ECE1: variants seen among roughly 807,000 people sequenced by gnomAD.
ECE1 encodes the protein endothelin-converting enzyme 1.
Under a neutral mutation model 98.6 loss-of-function variants are expected in ECE1, and 35 were observed. That is an observed-to-expected ratio of 0.35 (90% CI 0.27 to 0.47). ECE1 has a LOEUF of 0.47. Among genes scored for constraint, ECE1 ranks in the 20% least tolerant of loss-of-function variants. The pLI, the probability that ECE1 is intolerant of heterozygous loss-of-function variation, is 1.00. For synonymous variants in ECE1, 394 were observed against 407.1 expected, an observed-to-expected ratio of 0.97 and a Z score of 0.39; for missense variants, 814 against 1,025.3, an observed-to-expected ratio of 0.79 and a Z score of 2.81.
rs2098224804 is a variant in ECE1, at chr1:21,260,114, C to T, written c.615+157G>A. ...CGCAATGTGCTCACACTCACATGTG[C>T]TCTCGCACACTCGCTCTCTCTCTTT... On this transcript the variant is annotated intron_variant, in intron 5 of 18. Transcript: ENST00000374893. This position sits in a 1 kb window ranked among gnomAD's most constrained non-coding sequence, Gnocchi z 4.3. Among the ~76,000 whole-genome samples the T allele has an allele frequency of 6.6e-6, 1 of 152,250 alleles. No homozygotes were observed. Among genetic ancestry groups the T allele is most frequent in the Non-Finnish European group, 1.5e-5 (1 of 68,052 alleles).
At position 21,258,772 on chromosome 1, in the gene ECE1, G is replaced by A. The variant is rs551629069; in HGVS notation, c.683C>T (p.Thr228Ile). 2.5e-6 allele frequency: 4 copies of A among 1,614,236 alleles called. No individual in the cohort carries two copies. The Admixed American group carries it at 6.7e-5, about 27-fold the overall frequency. ...GAAGGGTGAGGTGCGGTAGTGGGCGGTGACCACCTGCAGGGTGTCCTGGAA... is the reference window on the plus strand; with the variant it reads ...GAAGGGTGAGGTGCGGTAGTGGGCGATGACCACCTGCAGGGTGTCCTGGAA... ...DNFQDTLQVV[T>I]AHYRTSPFFS... Residue 228 changes from threonine to isoleucine, a missense_variant, in exon 6 of 19, where the codon ACC becomes ATC. By Grantham distance (89) the Thr-to-Ile change is moderately conservative (BLOSUM62 -1). Around this residue, in one of 3 missense-constraint regions of ECE1, gnomAD observed 105 missense variants for 179.1 expected, o/e 0.59. Transcript: ENST00000374893. The surrounding 1 kb of genome is among the most constrained non-coding windows in gnomAD (Gnocchi z 4.2).
chr1:21,260,461 C>G lies in ECE1; in HGVS notation c.494-69G>C. The G allele has an allele frequency of 1.9e-6, 3 of 1,590,576 alleles. No individual in the cohort carries two copies. Among genetic ancestry groups the G allele is most frequent in the Non-Finnish European group, 2.6e-6 (3 of 1,159,906 alleles). On this transcript the variant is annotated intron_variant, in intron 4 of 18. Coordinates refer to ENST00000374893, the MANE Select transcript of ECE1 (RefSeq NM_001397.3). The surrounding 1 kb of genome is among the most constrained non-coding windows in gnomAD (Gnocchi z 4.3). ...CCACTGGGTGGCTTTGGGGCAGTCC[C>G]TCTTTTCGGAGCCTTGGTGTTCTCA...
intron 1 of ECE1, among the ~76,000 whole-genome samples, chr1:21,297,423 G>A (rs1175368250): frequency 6.6e-5 from 10 of 151,746 alleles, no homozygotes; most frequent in Admixed American, 6.6e-5. Context: ...CTGTCCCCTC[G>A]GCATGCCTTC....
At chr1:21,280,573 T>G (rs2098253246) in intron 2 of ECE1, among the ~76,000 whole-genome samples, 1 of 152,130 alleles carries the variant, frequency 6.6e-6, no homozygotes. Context: ...ATGATTAGAT[T>G]TACCCTTTGG....
At chr1:21,297,401 GC>G (rs1238187129) in intron 1 of ECE1, among the ~76,000 whole-genome samples, 12 of 152,080 alleles carry the variant, frequency 7.9e-5, no homozygotes, top group South Asian at 2.1e-4. Flanking sequence ...CTCTGTCCAG[GC>G]CCACTGGGCT....
At chr1:21,274,850 C>A (rs957549751) in intron 3 of ECE1, among the ~76,000 whole-genome samples, 1 of 151,968 alleles carries the variant, frequency 6.6e-6, no homozygotes, top group Admixed American at 6.6e-5. Flanking sequence ...AATTATGGAG[C>A]CATTACACAT....
intron 12 of ECE1, 147 bp from the exon 13 acceptor site, chr1:21,236,074 G>A: frequency 1.3e-6 from 1 of 792,132 alleles, no homozygotes; most frequent in South Asian, 1.4e-5. Context: ...TTTCTGGAAA[G>A]GTTTCCCCCT....
intron 4 of ECE1, chr1:21,267,148 A>G (rs1179032230): frequency 2.0e-5 from 3 of 152,290 alleles, no homozygotes; most frequent in Non-Finnish European, 4.4e-5. Context: ...CCATCTTGGA[A>G]GCAGAGAGCA....
At chr1:21,244,959 A>G (rs1573958056) in intron 10 of ECE1, 30 bp downstream of exon 10, 4 of 1,597,988 alleles carry the variant, frequency 2.5e-6, no homozygotes, top group Middle Eastern at 1.7e-4. Flanking sequence ...CGCTCAGCCC[A>G]TATTCAGGCA....
At chr1:21,277,699 T>G (rs1224015379) in intron 3 of ECE1, among the ~76,000 whole-genome samples, 1 of 152,188 alleles carries the variant, frequency 6.6e-6, no homozygotes, top group Non-Finnish European at 1.5e-5. Flanking sequence ...CATTTTACTA[T>G]CTGCACACCT....
chr1:21,241,345 T>C (rs1197528619), intron 10 of ECE1, among the ~76,000 whole-genome samples: 1 of 151,568 alleles, frequency 6.6e-6, no homozygotes, highest in African/African-American at 2.4e-5. Context: ...CTGTTTCTTT[T>C]TGCAGATAAA....
At chr1:21,335,044 TG>T (rs1322749004) in intron 1 of ECE1, among the ~76,000 whole-genome samples, 1 of 152,076 alleles carries the variant, frequency 6.6e-6, no homozygotes, top group Non-Finnish European at 1.5e-5. Context: ...GTCCATGGCT[TG>T]CCCCTCCAGG....
At chr1:21,294,998 G>C (rs1638311469), upstream of ECE1, among the ~76,000 whole-genome samples, 1 of 152,170 alleles carries the variant, frequency 6.6e-6, no homozygotes, top group Non-Finnish European at 1.5e-5. This position sits in a 1 kb window ranked among gnomAD's most constrained non-coding sequence, Gnocchi z 4.2. Context: ...TTATCTGGTA[G>C]CTAAACACTT....
intron 1 of ECE1, among the ~76,000 whole-genome samples, chr1:21,302,721 T>A: frequency 6.6e-6 from 1 of 152,174 alleles, no homozygotes; most frequent in East Asian, 1.9e-4. Flanking sequence ...TCCCTGGGCC[T>A]CAGTTTCCTC....
chr1:21,270,169 A>G (rs1440366148), intron 4 of ECE1, among the ~76,000 whole-genome samples: 5 of 152,162 alleles, frequency 3.3e-5, no homozygotes, highest in African/African-American at 4.8e-5. Context: ...GCCCCTCACC[A>G]TTTTGGACTG....
At chr1:21,251,657 C>T (rs1237979017) in intron 8 of ECE1, among the ~76,000 whole-genome samples, 1 of 152,196 alleles carries the variant, frequency 6.6e-6, no homozygotes, top group African/African-American at 2.4e-5. Flanking sequence ...TCCAGTGCAT[C>T]CCTGCCAGCT....
chr1:21,260,171 T>C lies in ECE1; in HGVS notation c.615+100A>G. The C allele has an allele frequency of 6.5e-7, 1 of 1,537,450 alleles. No individual in the cohort carries two copies. The highest frequency in any genetic ancestry group is 1.4e-5 in the African/African-American group (1 of 73,500). ...TTCTCTTGGTGCTACCGGCTGGACG[T>C]ATGAGGTGGGCCAGTGGTACCAGAA... On this transcript the variant is annotated intron_variant, in intron 5 of 18. Coordinates refer to ENST00000374893, the MANE Select transcript of ECE1 (RefSeq NM_001397.3). The surrounding 1 kb of genome is among the most constrained non-coding windows in gnomAD (Gnocchi z 4.3).
chr1:21,259,078 G>A (rs148861771), intron 5 of ECE1, among the ~76,000 whole-genome samples: 10 of 152,272 alleles, frequency 6.6e-5, no homozygotes, highest in African/African-American at 1.2e-4. Flanking sequence ...GAATCCAGCC[G>A]CTCCCTGGGT....
chr1:21,290,090 C>T lies in ECE1; in HGVS notation c.118G>A (p.Ala40Thr), dbSNP rs1441571748. 4.6e-6 allele frequency: 7 copies of T among 1,533,168 alleles called. No individual in the cohort carries two copies. Among genetic ancestry groups the T allele is most frequent in the South Asian group, 2.4e-5 (2 of 82,706 alleles). The allele number at this position is 1,533,168 out of a possible 1,614,324, so 95.0% of individuals were successfully genotyped here. ...DLVDSLSEGDAYPNGLQVNFH... is the reference protein window; with the variant it reads ...DLVDSLSEGDTYPNGLQVNFH... ...CCTACCTGCAGGCCGTTGGGGTATG[C>T]GTCGCCCTCGGAGAGCGAGTCCACC... The change falls in exon 2 of 19, where the codon GCA becomes ACA. Residue 40 changes from alanine to threonine, a missense_variant. By Grantham distance (58) the Ala-to-Thr change is moderately conservative. Around this residue, in one of 3 missense-constraint regions of ECE1, gnomAD observed 257 missense variants for 278.9 expected, o/e 0.92. Transcript: ENST00000374893. This position sits in a 1 kb window ranked among gnomAD's most constrained non-coding sequence, Gnocchi z 7.3.
Sources: gnomAD v4.1 joint callset for allele counts (sites outside exome capture counted in the v4.1 genomes callset) on GRCh38, gnomAD v4.1.1 for gene constraint, gnomAD v4.1.1 regional missense constraint, Gnocchi (gnomAD v3.1) non-coding constraint, MANE v1.5 for transcripts, NCBI Gene and HGNC (gene_info 2026-07-23, HGNC 2026-07-21) for gene names.